Variants in ZNF787 observed in about 807,000 individuals in gnomAD.
The protein encoded by ZNF787 is zinc finger protein 787.
In ZNF787, 7 loss-of-function variants were observed where a neutral mutation model predicts 16.9. The ratio of observed to expected loss-of-function variants is 0.42; its 90% CI spans 0.24 to 0.78. ZNF787 has a LOEUF of 0.78. ZNF787 is among the 30% of genes least tolerant of loss of function. The pLI is 0.30. For missense variants in ZNF787, 551 were observed against 589.3 expected (o/e 0.94, Z 0.67); for synonymous variants, 345 against 270.9 (o/e 1.27, Z -2.69).
rs1016467133 is a variant in ZNF787 at position 56,087,944 on chromosome 19, CTGGGTCTCTT to C, written c.*69_*78del. The C allele has an allele frequency of 2.4e-5, 31 of 1,293,674 alleles. No homozygotes were observed. Among genetic ancestry groups the C allele is most frequent in the Non-Finnish European group, 2.9e-5 (30 of 1,021,956 alleles). The allele number at this position is 1,293,674 out of a possible 1,614,324, so 80.1% of individuals were successfully genotyped here. A position where few individuals can be genotyped will look rare whatever the true frequency, so the allele number is the denominator to read the frequency against. On this transcript the variant is annotated 3_prime_UTR_variant, in exon 3 of 3. Coordinates refer to ENST00000610935, the MANE Select transcript of ZNF787 (RefSeq NM_001002836.4). ...TCCATCGCACCCCGTCCGCTTCTCC[CTGGGTCTCTT>C]GGTCTTGCACGTCGTCGCTCCCGCC...
At chr19:56,119,620 T>C (rs1160075184) in intron 1 of ZNF787, among the ~76,000 whole-genome samples, 1 of 152,222 alleles carries the variant, frequency 6.6e-6, no homozygotes, top group Non-Finnish European at 1.5e-5. Context: ...GGCTGGGACT[T>C]GAACCCAGGC....
chr19:56,104,984 C>G (rs1986246248), intron 1 of ZNF787, among the ~76,000 whole-genome samples: 1 of 152,110 alleles, frequency 6.6e-6, no homozygotes, highest in Admixed American at 6.5e-5. Flanking sequence ...AAAAATTAGC[C>G]AGGCCTGGTG....
chr19:56,091,160 G>A (rs893266795), intron 2 of ZNF787, among the ~76,000 whole-genome samples: 1 of 152,326 alleles, frequency 6.6e-6, no homozygotes, highest in Non-Finnish European at 1.5e-5. Context: ...TATTTGCCCC[G>A]GGGCAGTGTG....
intron 1 of ZNF787, among the ~76,000 whole-genome samples, chr19:56,112,860 G>C (rs907196451): frequency 1.5e-4 from 23 of 151,462 alleles, no homozygotes; most frequent in African/African-American, 5.6e-4. Flanking sequence ...GGAGCTCTGG[G>C]GTGCCCAGAC....
At chr19:56,114,689 C>T (rs1378025941) in intron 1 of ZNF787, among the ~76,000 whole-genome samples, 1 of 152,152 alleles carries the variant, frequency 6.6e-6, no homozygotes, top group Non-Finnish European at 1.5e-5. Context: ...CACCATGTCA[C>T]GAGCGTGGTG....
In ZNF787 at chr19:56,093,168, G is replaced by A. The variant is rs576442455; in HGVS notation, c.80-4076C>T. Among the ~76,000 whole-genome samples, 61 of 148,842 alleles carry A rather than the reference G, an allele frequency of 4.1e-4. 1 individual carries two copies. The highest frequency in any genetic ancestry group is 3.5e-3 in the Admixed American group (53 of 15,006). ...GATGGCGGAACTGGGATATTCCATA[G>A]ACACGGGGATGGCGGAAGTGGGATA... On this transcript the variant is annotated intron_variant, in intron 2 of 2. Transcript: ENST00000610935.
chr19:56,105,636 C>A (rs1986273725), intron 1 of ZNF787: 1 of 152,130 alleles, frequency 6.6e-6, no homozygotes, highest in African/African-American at 2.4e-5. Flanking sequence ...GCAGGAGCCA[C>A]GAGAAACCTG....
At chr19:56,106,422 A>T (rs540459875) in intron 1 of ZNF787, among the ~76,000 whole-genome samples, 1 of 152,312 alleles carries the variant, frequency 6.6e-6, no homozygotes, top group African/African-American at 2.4e-5. Flanking sequence ...ATTTCTGTGG[A>T]CGTTCGCGTT....
rs146851806 is a variant in ZNF787, at chr19:56,101,333, G to T, written c.79+1806C>A. Among the ~76,000 whole-genome samples, 740 of 152,382 alleles carry T rather than the reference G, an allele frequency of 4.9e-3. 10 individuals carry two copies. The highest frequency in any genetic ancestry group is 0.017 in the African/African-American group (697 of 41,592). Reference sequence around the variant, plus strand: ...ACAGCCGAGCAAGGGCGTCACGCAGGGGTGATGCTCCAGAGGCGGCGCCAA... The same window carrying T: ...ACAGCCGAGCAAGGGCGTCACGCAGTGGTGATGCTCCAGAGGCGGCGCCAA... On this transcript the variant is annotated intron_variant, in intron 2 of 2. Coordinates refer to ENST00000610935, the MANE Select transcript of ZNF787 (RefSeq NM_001002836.4).
Position 56,088,410 on chromosome 19 carries a change from C to G in ZNF787, c.762G>C (p.Ala254=). The part of the protein sequence containing the change: ...IVVGAPGEGA[A]AAAAMAGAGA... ...CCGCGCCCGCCATGGCTGCCGCGGC[C>G]GCGGCCCCCTCGCCCGGCGCGCCCA... Residue 254 remains alanine, a synonymous_variant, in exon 3 of 3, where the codon GCG becomes GCC. Transcript: ENST00000610935. The surrounding 1 kb of genome is among the most constrained non-coding windows in gnomAD (Gnocchi z 8.6). The G allele has an allele frequency of 8.9e-7, 1 of 1,124,310 alleles. No homozygotes were observed. 69.6% of individuals were successfully genotyped at this position (1,124,310 alleles called of 1,614,324 possible). A position where few individuals can be genotyped will look rare whatever the true frequency, so the allele number is the denominator to read the frequency against.
chr19:56,111,891 C>G (rs141509189), intron 1 of ZNF787, among the ~76,000 whole-genome samples: 9 of 152,150 alleles, frequency 5.9e-5, no homozygotes, highest in Non-Finnish European at 1.2e-4. Context: ...AAAGCAGGGA[C>G]GGGAAGGGCA....
At position 56,103,858 on chromosome 19, in the gene ZNF787, CGCCG is replaced by C. The variant is rs1485431007; in HGVS notation, c.-10-635_-10-632del. Among the ~76,000 whole-genome samples, 61 of 98,014 alleles carry C rather than the reference CGCCG, an allele frequency of 6.2e-4. 19 individuals are homozygous for C. Among genetic ancestry groups the C allele is most frequent in the Middle Eastern group, 5.0e-3 (1 of 200 alleles). 64.3% of individuals were successfully genotyped at this position (98,014 alleles called of 152,430 possible). ...CCGGGAGGGTCTCTACGCACGACAC[CGCCG>C]ACCCGTGCCACGCACCGGGAGGGTC... On this transcript the variant is annotated intron_variant, in intron 1 of 2. Coordinates refer to ENST00000610935, the MANE Select transcript of ZNF787 (RefSeq NM_001002836.4).
chr19:56,112,313 C>T (rs1228656768), intron 1 of ZNF787, among the ~76,000 whole-genome samples: 1 of 152,144 alleles, frequency 6.6e-6, no homozygotes, highest in Non-Finnish European at 1.5e-5. Context: ...TACCAGCCTC[C>T]GTTTCTCAGT....
chr19:56,093,537 T>C (rs1985744951), intron 2 of ZNF787, among the ~76,000 whole-genome samples: 1 of 152,144 alleles, frequency 6.6e-6, no homozygotes, highest in Non-Finnish European at 1.5e-5. Context: ...CTGAGACATG[T>C]TCGGGCTCAG....
At position 56,103,452 on chromosome 19, in the gene ZNF787, A is replaced by C. The variant is rs1986183215; in HGVS notation, c.-10-225T>G. 1.2e-5 allele frequency: 5 copies of C among 429,342 alleles called. No homozygotes were observed. The East Asian group carries it at 1.7e-4, about 15-fold the overall frequency. The allele number at this position is 429,342 out of a possible 1,614,324, so 26.6% of individuals were successfully genotyped here. A position where few individuals can be genotyped will look rare whatever the true frequency, so the allele number is the denominator to read the frequency against. On this transcript the variant is annotated intron_variant, in intron 1 of 2. Transcript: ENST00000610935. Reference sequence around the variant, plus strand: ...CCTCACACAGCCGCAGGAAGGACTCAAGGACCCTCAAGGGCTACAACCACC... The same window carrying C: ...CCTCACACAGCCGCAGGAAGGACTCCAGGACCCTCAAGGGCTACAACCACC...
chr19:56,105,676 G>GCCAGGGCT (rs924251789), intron 1 of ZNF787, among the ~76,000 whole-genome samples: 4 of 152,150 alleles, frequency 2.6e-5, no homozygotes, highest in Admixed American at 1.3e-4. Flanking sequence ...CCACTGCCGG[G>GCCAGGGCT]CCAGGGCTCC....
chr19:56,112,218 TC>T (rs2030000008), intron 1 of ZNF787, among the ~76,000 whole-genome samples: 1 of 152,064 alleles, frequency 6.6e-6, no homozygotes, highest in Non-Finnish European at 1.5e-5. Context: ...CCCCACTTGC[TC>T]TCAAGAAAAC....
At chr19:56,111,726 G>A (rs1418078481) in intron 1 of ZNF787, among the ~76,000 whole-genome samples, 4 of 152,080 alleles carry the variant, frequency 2.6e-5, no homozygotes, top group African/African-American at 4.8e-5. Flanking sequence ...CCGAGAAGAG[G>A]GAGGGGCCGA....
intron 1 of ZNF787, among the ~76,000 whole-genome samples, chr19:56,106,221 G>C (rs1489288693): frequency 3.9e-5 from 6 of 152,198 alleles, no homozygotes; most frequent in Admixed American, 3.9e-4. Flanking sequence ...CTGTTCCTGC[G>C]TGTCTGACTC....
Sources: gnomAD v4.1 joint callset for allele counts (sites outside exome capture counted in the v4.1 genomes callset) on GRCh38, gnomAD v4.1.1 for gene constraint, Gnocchi (gnomAD v3.1) non-coding constraint, MANE v1.5 for transcripts, NCBI Gene and HGNC (gene_info 2026-07-23, HGNC 2026-07-21) for gene names.